The following AIG1 variants were observed in gnomAD, a reference collection of about 807,000 sequenced individuals.
AIG1 encodes androgen induced 1.
AIG1 carries 23 observed loss-of-function variants against 31.4 expected under a neutral mutation model. The ratio of observed to expected loss-of-function variants is 0.73; its 90% CI spans 0.53 to 1.04. The LOEUF (loss-of-function observed/expected upper bound fraction) is 1.04, where lower values mean the gene tolerates loss of function less well. Among genes scored for constraint, AIG1 ranks in the 50% least tolerant of loss-of-function variants. The pLI is 0.00. For missense variants in AIG1, 274 were observed against 295.0 expected (o/e 0.93, Z 0.52); for synonymous variants, 100 against 110.5 (o/e 0.90, Z 0.60).
At chr6:143,229,264 C>G (rs796123563) in intron 3 of AIG1, among the ~76,000 whole-genome samples, 11 of 152,344 alleles carry the variant, frequency 7.2e-5, no homozygotes, top group African/African-American at 2.6e-4. Context: ...AGTTGTAATT[C>G]TGGCTTTGAC....
upstream of AIG1, chr6:143,060,573 C>T (rs1187915978): frequency 2.6e-6 from 1 of 383,536 alleles, no homozygotes; most frequent in Non-Finnish European, 5.6e-6. Flanking sequence ...TCAGAGGTCG[C>T]ATCCACACCT....
At chr6:143,148,185 C>T (rs773911713) in intron 2 of AIG1, among the ~76,000 whole-genome samples, 20 of 151,912 alleles carry the variant, frequency 1.3e-4, no homozygotes, top group Admixed American at 6.6e-5. Flanking sequence ...ACATATACAG[C>T]AGTGGTCCCA....
chr6:143,295,186 T>G (rs1334691462), intron 4 of AIG1, among the ~76,000 whole-genome samples: 2 of 152,196 alleles, frequency 1.3e-5, no homozygotes, highest in East Asian at 3.8e-4. Flanking sequence ...TTCACCAGTT[T>G]CTGAGTTCTG....
chr6:143,105,433 C>T (rs1370463751), intron 1 of AIG1, among the ~76,000 whole-genome samples: 2 of 152,288 alleles, frequency 1.3e-5, no homozygotes, highest in Middle Eastern at 6.8e-3. Context: ...GATAATATTG[C>T]TCACATCCTT....
chr6:143,064,881 G>A (rs1776555883), intron 1 of AIG1, among the ~76,000 whole-genome samples: 1 of 152,186 alleles, frequency 6.6e-6, no homozygotes, highest in Admixed American at 6.5e-5. Flanking sequence ...ATTCACCTGG[G>A]TGCAGGCGGA....
intron 3 of AIG1, among the ~76,000 whole-genome samples, chr6:143,193,631 C>G (rs1267494180): frequency 6.6e-6 from 1 of 152,214 alleles, no homozygotes; most frequent in African/African-American, 2.4e-5. Context: ...GTTGATGGCT[C>G]TGGCTTTATA....
chr6:143,158,087 C>T (rs1401235481), intron 2 of AIG1, among the ~76,000 whole-genome samples: 3 of 152,152 alleles, frequency 2.0e-5, no homozygotes, highest in African/African-American at 2.4e-5. Context: ...ACTCATTTCT[C>T]TCTCCTCAGC....
chr6:143,184,413 C>G (rs1789034684), intron 3 of AIG1, among the ~76,000 whole-genome samples: 1 of 152,252 alleles, frequency 6.6e-6, no homozygotes, highest in Non-Finnish European at 1.5e-5. Context: ...GTGGGCATCA[C>G]ATTCTGCCTC....
intron 2 of AIG1, among the ~76,000 whole-genome samples, chr6:143,160,656 G>A (rs553158716): frequency 7.2e-5 from 11 of 152,340 alleles, no homozygotes; most frequent in African/African-American, 2.4e-4. Flanking sequence ...CTGTCCAAGA[G>A]AAACTATTTT....
rs749374837 is a variant in AIG1, at chr6:143,338,550, A to G, written c.680-1089A>G. ...AGTCCTTCCTATTGTAAGCCCTAAC[A>G]TTATGACCCTCTGGGGTTAAATTTT... is the stretch of plus-strand genomic sequence containing the variant. On this transcript the variant is annotated intron_variant, in intron 5 of 5. Transcript: ENST00000357847. The surrounding 1 kb of genome is among the most constrained non-coding windows in gnomAD (Gnocchi z 4.3). The G allele has an allele frequency of 1.3e-5, 2 of 152,276 alleles. No homozygotes were observed. Among genetic ancestry groups the G allele is most frequent in the Non-Finnish European group, 2.9e-5 (2 of 68,112 alleles). 9.4% of individuals were successfully genotyped at this position (152,276 alleles called of 1,614,324 possible).
intron 1 of AIG1, among the ~76,000 whole-genome samples, chr6:143,103,669 G>A (rs1204504364): frequency 3.3e-5 from 5 of 151,464 alleles, no homozygotes; most frequent in African/African-American, 7.3e-5. Flanking sequence ...CACTACGCCC[G>A]GCTAATTTTT....
At chr6:143,152,446 A>G (rs999248619) in intron 2 of AIG1, among the ~76,000 whole-genome samples, 1 of 152,176 alleles carries the variant, frequency 6.6e-6, no homozygotes, top group Non-Finnish European at 1.5e-5. Context: ...AAAAGGCCCA[A>G]ATAGTTTTTT....
rs1264150777 is a variant in AIG1, at chr6:143,303,601, C to T, written c.515+19376C>T. Among the ~76,000 whole-genome samples, 696 of 150,880 alleles carry T rather than the reference C, an allele frequency of 4.6e-3. 1 individual carries two copies. Among genetic ancestry groups the T allele is most frequent in the Non-Finnish European group, 6.0e-3 (405 of 67,160 alleles). On this transcript the variant is annotated intron_variant, in intron 4 of 5. Transcript: ENST00000357847. ...TTGATCTATATCTCTGTTTTGGTAC[C>T]AGTACCATGCTGTTTTGGTTACTGT...
At chr6:143,105,542 C>T (rs755366212) in intron 1 of AIG1, among the ~76,000 whole-genome samples, 5 of 152,164 alleles carry the variant, frequency 3.3e-5, no homozygotes, top group Non-Finnish European at 7.4e-5. Flanking sequence ...AAAAAACTGC[C>T]GAATGATACC....
intron 3 of AIG1, among the ~76,000 whole-genome samples, chr6:143,253,074 T>C (rs1795127474): frequency 6.6e-6 from 1 of 152,222 alleles, no homozygotes; most frequent in Non-Finnish European, 1.5e-5. Context: ...CTAGCCTAAA[T>C]GTAGAAGCGA....
At position 143,256,389 on chromosome 6, in the gene AIG1, A is replaced by G. The variant is rs1452091656; in HGVS notation, c.400-27721A>G. Among the ~76,000 whole-genome samples, 1 of 152,196 alleles carries G rather than the reference A, an allele frequency of 6.6e-6. No homozygotes were observed. Among genetic ancestry groups the G allele is most frequent in the Non-Finnish European group, 1.5e-5 (1 of 68,026 alleles). On this transcript the variant is annotated intron_variant, in intron 3 of 5. Transcript: ENST00000357847. This position sits in a 1 kb window ranked among gnomAD's most constrained non-coding sequence, Gnocchi z 4.6. The stretch of plus-strand genomic sequence containing the variant: ...CTAAGTCTACAGTTTTATTTATGTC[A>G]TATCATAGGCTGGTTTCTGGGGCTA...
chr6:143,101,719 G>T lies in AIG1; in HGVS notation c.142-35116G>T, dbSNP rs761802079. On this transcript the variant is annotated intron_variant, in intron 1 of 5. Transcript: ENST00000357847. Reference sequence around the variant, plus strand: ...ATTGGGTTCAGTATATACTGCTCAGGTTATGGGTGCACCAAAATCTCACAA... The same window carrying T: ...ATTGGGTTCAGTATATACTGCTCAGTTTATGGGTGCACCAAAATCTCACAA... Among the ~76,000 whole-genome samples the T allele has an allele frequency of 2.1e-3, 318 of 152,200 alleles. 3 individuals are homozygous for T. Among genetic ancestry groups the T allele is most frequent in the Non-Finnish European group, 6.9e-4 (47 of 68,002 alleles).
chr6:143,260,929 C>G (rs1795731863), intron 3 of AIG1, among the ~76,000 whole-genome samples: 1 of 152,148 alleles, frequency 6.6e-6, no homozygotes, highest in Non-Finnish European at 1.5e-5. Flanking sequence ...TCCCTTTGCT[C>G]ATTAAAATTA....
At chr6:143,095,147 G>T (rs1419526312) in intron 1 of AIG1, among the ~76,000 whole-genome samples, 2 of 152,122 alleles carry the variant, frequency 1.3e-5, no homozygotes, top group Non-Finnish European at 2.9e-5. Context: ...ATAAGCTAAA[G>T]AAATGTTTTC....
Sources: allele counts gnomAD v4.1 joint callset (sites outside exome capture counted in the v4.1 genomes callset), GRCh38; gene constraint gnomAD v4.1.1; non-coding constraint Gnocchi (gnomAD v3.1); transcripts MANE v1.5; gene names NCBI Gene and HGNC (gene_info 2026-07-23, HGNC 2026-07-21).